KCNH1: variants seen among roughly 807,000 people sequenced by gnomAD.
KCNH1 encodes the protein potassium voltage-gated channel subfamily H member 1.
KCNH1 carries 27 observed loss-of-function variants against 69.2 expected under a neutral mutation model. The observed-to-expected ratio is 0.39, with a 90% CI of 0.29 to 0.54. KCNH1 has a LOEUF of 0.54. KCNH1 is among the 20% of genes least tolerant of loss of function. The pLI, the probability that KCNH1 is intolerant of heterozygous loss-of-function variation, is 0.68. For missense variants in KCNH1, 798 were observed against 1,261.6 expected, an observed-to-expected ratio of 0.63 and a Z score of 5.57; for synonymous variants, 456 against 487.7, an observed-to-expected ratio of 0.93 and a Z score of 0.86.
chr1:211,071,850 G>A (rs1690649497), intron 5 of KCNH1, among the ~76,000 whole-genome samples: 1 of 152,004 alleles, frequency 6.6e-6, no homozygotes, highest in Non-Finnish European at 1.5e-5. Flanking sequence ...GTTATTCAAG[G>A]GTCAACTGTA....
chr1:210,826,960 C>T (rs1301859319), intron 7 of KCNH1, among the ~76,000 whole-genome samples: 4 of 152,214 alleles, frequency 2.6e-5, no homozygotes, highest in African/African-American at 7.2e-5. Context: ...ACACGTTCAC[C>T]GTCAAAGCCC....
chr1:210,694,864 T>C (rs547383135), intron 10 of KCNH1, among the ~76,000 whole-genome samples: 1 of 152,364 alleles, frequency 6.6e-6, no homozygotes, highest in African/African-American at 2.4e-5. Context: ...ATGTATGAGA[T>C]AGTTGGTCCA....
chr1:210,735,052 G>A (rs1390021467), intron 10 of KCNH1, among the ~76,000 whole-genome samples: 1 of 152,056 alleles, frequency 6.6e-6, no homozygotes, highest in Non-Finnish European at 1.5e-5. Context: ...CCACTGTTTA[G>A]TCTTGGATGG....
At chr1:210,980,857 A>G (rs1484598108) in intron 6 of KCNH1, among the ~76,000 whole-genome samples, 3 of 152,204 alleles carry the variant, frequency 2.0e-5, no homozygotes, top group Middle Eastern at 3.4e-3. Flanking sequence ...ATTTATATAC[A>G]TACATATGAT....
chr1:210,900,729 G>A (rs1574327035), intron 7 of KCNH1, among the ~76,000 whole-genome samples: 1 of 152,138 alleles, frequency 6.6e-6, no homozygotes, highest in African/African-American at 2.4e-5. Context: ...AGTGGCAGAA[G>A]AGCCACAATA....
At chr1:210,986,847 G>A (rs1273523320) in intron 6 of KCNH1, among the ~76,000 whole-genome samples, 2 of 152,214 alleles carry the variant, frequency 1.3e-5, no homozygotes, top group African/African-American at 2.4e-5. Context: ...CTAGATTGGG[G>A]AAGTTCTCCT....
chr1:210,917,137 C>T (rs904577849), intron 7 of KCNH1, among the ~76,000 whole-genome samples: 1 of 149,304 alleles, frequency 6.7e-6, no homozygotes, highest in Non-Finnish European at 1.5e-5. Context: ...CAGAGTGAGA[C>T]TGTGTCTCAA....
intron 10 of KCNH1, among the ~76,000 whole-genome samples, chr1:210,754,710 A>G (rs1683355810): frequency 6.6e-6 from 1 of 152,126 alleles, no homozygotes; most frequent in Non-Finnish European, 1.5e-5. Context: ...CCAGAAGCCA[A>G]GCAGATGCTG....
At chr1:210,743,543 G>A (rs563486555) in intron 10 of KCNH1, among the ~76,000 whole-genome samples, 44 of 152,224 alleles carry the variant, frequency 2.9e-4, no homozygotes, top group Non-Finnish European at 5.6e-4. Context: ...TCCATCCCTC[G>A]CAAGAAGCCA....
chr1:210,801,164 T>C lies in KCNH1; in HGVS notation c.1662+2803A>G, dbSNP rs111869710. ...AAGGGCTTTAGAGGTCACCTAGTCTTAAAATTCATGTTTCCATGAGCTACA... is the reference window on the plus strand; with the variant it reads ...AAGGGCTTTAGAGGTCACCTAGTCTCAAAATTCATGTTTCCATGAGCTACA... On this transcript the variant is annotated intron_variant, in intron 8 of 10. Transcript: ENST00000271751. 5.7e-3 allele frequency among the ~76,000 whole-genome samples: 863 copies of C among 152,292 alleles called. 9 individuals are homozygous for C. The highest frequency in any genetic ancestry group is 0.02 in the African/African-American group (817 of 41,554).
intron 6 of KCNH1, among the ~76,000 whole-genome samples, chr1:210,926,713 C>A (rs1323156591): frequency 6.6e-6 from 1 of 151,898 alleles, no homozygotes; most frequent in Non-Finnish European, 1.5e-5. Context: ...CAAACCGAGA[C>A]AAAACCTATG....
chr1:210,753,585 G>T (rs1315711703), intron 10 of KCNH1, among the ~76,000 whole-genome samples: 1 of 152,160 alleles, frequency 6.6e-6, no homozygotes, highest in African/African-American at 2.4e-5. Context: ...TGCACCTATT[G>T]TCTCCTCAGC....
intron 7 of KCNH1, among the ~76,000 whole-genome samples, chr1:210,824,097 C>T (rs904074681): frequency 7.9e-5 from 12 of 152,024 alleles, no homozygotes; most frequent in Non-Finnish European, 1.3e-4. Flanking sequence ...CACTATACCC[C>T]GACCTCTTGC....
chr1:210,763,476 A>C (rs2102354281), intron 10 of KCNH1, among the ~76,000 whole-genome samples: 1 of 151,898 alleles, frequency 6.6e-6, no homozygotes, highest in African/African-American at 2.4e-5. Context: ...AAAAACCCTA[A>C]AGACCAAAAG....
intron 3 of KCNH1, among the ~76,000 whole-genome samples, chr1:211,099,991 A>C (rs2102480711): frequency 6.6e-6 from 1 of 152,206 alleles, no homozygotes; most frequent in Admixed American, 6.5e-5. Context: ...CTGCTCACTA[A>C]GCTCTATTCC....
intron 8 of KCNH1, among the ~76,000 whole-genome samples, chr1:210,801,204 C>T (rs989791766): frequency 2.9e-4 from 44 of 152,212 alleles, no homozygotes; most frequent in African/African-American, 1.0e-3. Flanking sequence ...TAAAAACAGG[C>T]TTGGAGAGAG....
chr1:210,869,461 T>C (rs1471615907), intron 7 of KCNH1, among the ~76,000 whole-genome samples: 1 of 151,254 alleles, frequency 6.6e-6, no homozygotes, highest in African/African-American at 2.4e-5. Context: ...TTCTGTTAAC[T>C]GATTTTTCTC....
intron 7 of KCNH1, among the ~76,000 whole-genome samples, chr1:210,849,379 T>C (rs1685633689): frequency 6.7e-6 from 1 of 149,992 alleles, no homozygotes; most frequent in South Asian, 2.1e-4. Flanking sequence ...TTTTTTTTTT[T>C]TTTGAGACGG....
chr1:211,021,349 C>G (rs560331895), intron 5 of KCNH1, among the ~76,000 whole-genome samples: 1 of 152,064 alleles, frequency 6.6e-6, no homozygotes, highest in Admixed American at 6.6e-5. Context: ...ACTTGATAAA[C>G]CCACAGCTCA....
Sources: allele counts gnomAD v4.1 joint callset (sites outside exome capture counted in the v4.1 genomes callset), GRCh38; gene constraint gnomAD v4.1.1; transcripts MANE v1.5; gene names NCBI Gene and HGNC (gene_info 2026-07-23, HGNC 2026-07-21).